ULK2: variants seen among roughly 807,000 people sequenced by gnomAD.
ULK2 encodes serine/threonine-protein kinase ULK2.
Under a neutral mutation model 127.5 loss-of-function variants are expected in ULK2, and 76 were observed. The ratio of observed to expected loss-of-function variants is 0.60; its 90% CI spans 0.50 to 0.72. The LOEUF is 0.72. Among genes scored for constraint, ULK2 ranks in the 30% least tolerant of loss-of-function variants. The probability of loss-of-function intolerance (pLI) is 0.00; values close to 1 mark genes in which losing one functional copy is unlikely to be tolerated. For missense variants in ULK2, 1,144 were observed against 1,295.9 expected (o/e 0.88, Z 1.80); for synonymous variants, 452 against 461.9 (o/e 0.98, Z 0.28).
intron 13 of ULK2, among the ~76,000 whole-genome samples, chr17:19,815,448 A>C (rs1014041096): frequency 6.6e-6 from 1 of 151,992 alleles, no homozygotes; most frequent in African/African-American, 2.4e-5. Flanking sequence ...ATACCTGGCT[A>C]ATTTTTGTAT....
Position 19,774,823 on chromosome 17 carries a change from G to A in ULK2, c.*1526C>T, listed in dbSNP as rs1027336092. 1.3e-5 allele frequency: 2 copies of A among 152,610 alleles called. No individual in the cohort carries two copies. The highest frequency in any genetic ancestry group is 4.8e-5 in the African/African-American group (2 of 41,432). The allele number at this position is 152,610 out of a possible 1,614,324, so 9.5% of individuals were successfully genotyped here. ...AAAAAGGCTATTACACAACAATTCA[G>A]TGAGTTTTACCTAGTTTCAAGAATA... On this transcript the variant is annotated 3_prime_UTR_variant, in exon 27 of 27. Transcript: ENST00000395544.
At chr17:19,859,037 C>A (rs2042188628) in intron 3 of ULK2, among the ~76,000 whole-genome samples, 1 of 152,184 alleles carries the variant, frequency 6.6e-6, no homozygotes, top group African/African-American at 2.4e-5. Flanking sequence ...CGCCTATAAT[C>A]CCAGCACTTT....
intron 3 of ULK2, among the ~76,000 whole-genome samples, chr17:19,850,701 T>C (rs2041994674): frequency 6.6e-6 from 1 of 151,974 alleles, no homozygotes; most frequent in Admixed American, 6.6e-5. Flanking sequence ...GGCGGGCACC[T>C]GTAGTCCCAG....
intron 12 of ULK2, among the ~76,000 whole-genome samples, chr17:19,819,975 G>C (rs2041094891): frequency 6.6e-6 from 1 of 151,952 alleles, no homozygotes; most frequent in South Asian, 2.1e-4. Flanking sequence ...CCTGCTTTTG[G>C]GAGAATCTAG....
rs373863943 is a variant in ULK2, at chr17:19,851,313, T to C, written c.226-1539A>G. Among the ~76,000 whole-genome samples, 66 of 108,398 alleles carry C rather than the reference T, an allele frequency of 6.1e-4. No individual in the cohort carries two copies. The East Asian group carries it at 0.012, about 20-fold the overall frequency. 71.1% of individuals were successfully genotyped at this position (108,398 alleles called of 152,430 possible). ...CTGCACTCCAGCCTGGGCAACAGAGTGAGACTTCCCCTCAAAAAAAAAAAA... is the reference window on the plus strand; with the variant it reads ...CTGCACTCCAGCCTGGGCAACAGAGCGAGACTTCCCCTCAAAAAAAAAAAA... On this transcript the variant is annotated intron_variant, in intron 3 of 26. Coordinates refer to ENST00000395544, the MANE Select transcript of ULK2 (RefSeq NM_014683.4).
intron 19 of ULK2, 92 bp from the exon 20 acceptor site, chr17:19,795,817 AATAG>A: frequency 8.5e-7 from 1 of 1,180,138 alleles, no homozygotes. Flanking sequence ...GGAAACAAGA[AATAG>A]ATACCAAACA....
rs747326810 is a variant in ULK2, at chr17:19,825,110, C to A, written c.908G>T (p.Arg303Leu). Residue 303 changes from arginine (R) to leucine (L), a missense_variant, in exon 12 of 27, where the codon CGT (arginine) becomes CTT (leucine). By Grantham distance (102) the Arg-to-Leu change is moderately radical. Around this residue, in one of 2 missense-constraint regions of ULK2, gnomAD observed 913 missense variants for 970.5 expected, o/e 0.94. Coordinates refer to ENST00000395544, the MANE Select transcript of ULK2 (RefSeq NM_014683.4). ...GSSCGSSPSCRFASPPSLPDM... is the reference protein window; with the variant it reads ...GSSCGSSPSCLFASPPSLPDM... The stretch of plus-strand genomic sequence containing the variant: ...GTAACTTACTGGTGGAGAAGCAAAA[C>A]GACAAGATGGAGAGCTGCCACAGGA... 6.2e-7 allele frequency: 1 copy of A among 1,614,044 alleles called. No individual in the cohort carries two copies. The highest frequency in any genetic ancestry group is 1.1e-5 in the South Asian group (1 of 91,058).
chr17:19,811,990 G>C (rs1301569267), intron 13 of ULK2, among the ~76,000 whole-genome samples: 1 of 152,140 alleles, frequency 6.6e-6, no homozygotes. Flanking sequence ...AAAAAGAACA[G>C]AAAAGTTCAC....
At chr17:19,804,993 AAAAT>A (rs2087484790) in intron 14 of ULK2, among the ~76,000 whole-genome samples, 163 bp from the exon 15 acceptor site, 1 of 152,208 alleles carries the variant, frequency 6.6e-6, no homozygotes, top group African/African-American at 2.4e-5. Context: ...AAAGCCAAAA[AAAAT>A]CACATTTATT....
chr17:19,838,698 C>T, intron 9 of ULK2, 115 bp from the exon 10 acceptor site: 1 of 819,960 alleles, frequency 1.2e-6, no homozygotes. Flanking sequence ...AATACCAATA[C>T]ATTTATACCA....
intron 2 of ULK2, among the ~76,000 whole-genome samples, chr17:19,865,267 G>T (rs1205342260): frequency 6.6e-6 from 1 of 152,110 alleles, no homozygotes; most frequent in Non-Finnish European, 1.5e-5. Flanking sequence ...TTTTCCAAAC[G>T]TACTCAACCA....
At chr17:19,850,020 T>A (rs1300226006) in intron 3 of ULK2, among the ~76,000 whole-genome samples, 1 of 152,126 alleles carries the variant, frequency 6.6e-6, no homozygotes, top group Non-Finnish European at 1.5e-5. Flanking sequence ...CAGAAATAAC[T>A]AGAGAAAGAT....
chr17:19,834,448 C>A (rs2041540654), intron 10 of ULK2, among the ~76,000 whole-genome samples: 1 of 146,968 alleles, frequency 6.8e-6, no homozygotes. Context: ...ATATATATGA[C>A]AACACAAAAG....
chr17:19,832,542 A>T (rs2041484687), intron 10 of ULK2, among the ~76,000 whole-genome samples: 1 of 152,056 alleles, frequency 6.6e-6, no homozygotes. Context: ...GGGATTACAG[A>T]TGTGAGCCAC....
intron 20 of ULK2, among the ~76,000 whole-genome samples, chr17:19,790,427 AAAATTGAATT>A (rs2087127269): frequency 6.6e-6 from 1 of 152,182 alleles, no homozygotes; most frequent in Non-Finnish European, 1.5e-5. Context: ...CAAAAATAAA[AAAATTGAATT>A]AAATTGAATC....
chr17:19,810,334 A>G (rs754504057), intron 14 of ULK2, 44 bp downstream of exon 14: 1 of 1,310,248 alleles, frequency 7.6e-7, no homozygotes, highest in Non-Finnish European at 1.1e-6. Flanking sequence ...TCACAAAAAT[A>G]AAATATAAAA....
At chr17:19,844,671 G>T (rs113704930) in intron 7 of ULK2, among the ~76,000 whole-genome samples, 4 of 151,974 alleles carry the variant, frequency 2.6e-5, no homozygotes, top group African/African-American at 9.7e-5. Flanking sequence ...TTAGTTTAGA[G>T]AAATTTTGAA....
intron 21 of ULK2, 79 bp from the exon 22 acceptor site, chr17:19,783,984 A>C: frequency 2.4e-6 from 3 of 1,233,724 alleles, no homozygotes; most frequent in Admixed American, 4.0e-5. Context: ...TTACTAAACA[A>C]ACCTGCTGAG....
chr17:19,781,800 A>G (rs2086924121), intron 23 of ULK2, 89 bp downstream of exon 23: 3 of 1,403,254 alleles, frequency 2.1e-6, no homozygotes, highest in Non-Finnish European at 2.9e-6. Context: ...ATGAGATATG[A>G]TCTTCAGTGG....
Sources: gnomAD v4.1 joint callset for allele counts (sites outside exome capture counted in the v4.1 genomes callset) on GRCh38, gnomAD v4.1.1 for gene constraint, gnomAD v4.1.1 regional missense constraint, MANE v1.5 for transcripts, NCBI Gene and HGNC (gene_info 2026-07-23, HGNC 2026-07-21) for gene names.